The following NRXN1 variants were observed in gnomAD, a reference collection of about 807,000 sequenced individuals.
NRXN1 encodes neurexin-1.
Under a neutral mutation model 150.9 loss-of-function variants are expected in NRXN1, and 39 were observed. The ratio of observed to expected loss-of-function variants is 0.26; its 90% CI spans 0.20 to 0.34. NRXN1 has a LOEUF of 0.34. Ranked by LOEUF, NRXN1 falls within the 10% of genes least tolerant of loss-of-function variation. The pLI, the probability that NRXN1 is intolerant of heterozygous loss-of-function variation, is 1.00. For missense variants in NRXN1, 1,815 were observed against 1,949.9 expected (o/e 0.93, Z 1.30); for synonymous variants, 924 against 757.0 (o/e 1.22, Z -3.62).
intron 8 of NRXN1, among the ~76,000 whole-genome samples, chr2:50,618,292 T>A (rs562453892): frequency 6.6e-6 from 1 of 152,304 alleles, no homozygotes; most frequent in African/African-American, 2.4e-5. Context: ...CATCCCTGCC[T>A]GTCTAAATTA....
intron 17 of NRXN1, among the ~76,000 whole-genome samples, chr2:50,461,515 G>T (rs2088209587): frequency 6.6e-6 from 1 of 151,948 alleles, no homozygotes; most frequent in Non-Finnish European, 1.5e-5. Flanking sequence ...ATTCTATTCC[G>T]GACCACTGGG....
chr2:50,837,995 G>A (rs1378305927), intron 5 of NRXN1, among the ~76,000 whole-genome samples: 1 of 152,050 alleles, frequency 6.6e-6, no homozygotes, highest in Non-Finnish European at 1.5e-5. Context: ...GGCCTCATAA[G>A]ACTGTTGCCT....
At chr2:50,873,996 T>C (rs1678190014) in intron 5 of NRXN1, among the ~76,000 whole-genome samples, 1 of 151,940 alleles carries the variant, frequency 6.6e-6, no homozygotes, top group Admixed American at 6.6e-5. Context: ...TTTATAATAA[T>C]GCTGCCCAAG....
At chr2:50,191,080 G>A (rs566282454) in intron 18 of NRXN1, among the ~76,000 whole-genome samples, 30 of 152,054 alleles carry the variant, frequency 2.0e-4, no homozygotes, top group Middle Eastern at 3.2e-3. Flanking sequence ...CCAGGCTGGA[G>A]TGCACTGGCG....
chr2:50,881,708 T>G (rs1220369814), intron 5 of NRXN1, among the ~76,000 whole-genome samples: 4 of 151,870 alleles, frequency 2.6e-5, no homozygotes, highest in African/African-American at 9.7e-5. Flanking sequence ...TCTATGTGCT[T>G]ATCAATAGAT....
At chr2:50,359,400 A>G (rs1329605554) in intron 17 of NRXN1, among the ~76,000 whole-genome samples, 5 of 151,944 alleles carry the variant, frequency 3.3e-5, no homozygotes, top group African/African-American at 1.2e-4. Flanking sequence ...TAACCAGTTT[A>G]GAGAAGAACA....
At chr2:50,568,909 C>T (rs142194112) in intron 8 of NRXN1, among the ~76,000 whole-genome samples, 6 of 151,794 alleles carry the variant, frequency 4.0e-5, no homozygotes, top group African/African-American at 1.5e-4. Context: ...CACCAACAGA[C>T]AAATCAATAA....
At position 50,014,105 on chromosome 2, in the gene NRXN1, TG is replaced by T. The variant is rs141771097; in HGVS notation, c.4128+39165del. Among the ~76,000 whole-genome samples, 78 of 151,240 alleles carry T rather than the reference TG, an allele frequency of 5.2e-4. 2 individuals carry two copies. Among genetic ancestry groups the T allele is most frequent in the Admixed American group, 1.2e-3 (18 of 15,140 alleles). Reference sequence around the variant, plus strand: ...TAGACTAAAGAGCTTGTTTTTTTTTTGTTTTTGTTTTTGTTTTTAGAAATGA... The same window carrying T: ...TAGACTAAAGAGCTTGTTTTTTTTTTTTTTTGTTTTTGTTTTTAGAAATGA... On this transcript the variant is annotated intron_variant, in intron 21 of 22. Coordinates refer to ENST00000401669, the MANE Select transcript of NRXN1 (RefSeq NM_001330078.2).
chr2:50,476,769 T>A (rs2090024704), intron 15 of NRXN1, among the ~76,000 whole-genome samples: 1 of 152,180 alleles, frequency 6.6e-6, no homozygotes, highest in South Asian at 2.1e-4. Flanking sequence ...CCTTACACTA[T>A]TCTAAAAGTA....
intron 17 of NRXN1, among the ~76,000 whole-genome samples, chr2:50,242,362 G>T (rs1350843514): frequency 6.6e-6 from 1 of 151,702 alleles, no homozygotes. Context: ...TTAGATCAGG[G>T]CAACATTTCT....
intron 21 of NRXN1, among the ~76,000 whole-genome samples, chr2:50,042,282 C>T (rs57219224): frequency 0.017 from 2,591 of 152,252 alleles, 78 homozygotes; most frequent in African/African-American, 0.059. Context: ...CCATGTGCCA[C>T]GGGAGGGACC....
chr2:50,178,679 G>C (rs758037558), intron 18 of NRXN1, among the ~76,000 whole-genome samples: 23 of 152,078 alleles, frequency 1.5e-4, no homozygotes, highest in Non-Finnish European at 2.8e-4. Context: ...AGGTAAACAA[G>C]CTATGAGTAG....
intron 5 of NRXN1, among the ~76,000 whole-genome samples, chr2:50,910,682 T>C (rs1684390947): frequency 6.6e-6 from 1 of 151,862 alleles, no homozygotes; most frequent in African/African-American, 2.4e-5. Flanking sequence ...GCTAAAGAAC[T>C]TTATAATAGA....
intron 5 of NRXN1, among the ~76,000 whole-genome samples, chr2:50,687,996 T>C (rs1691502912): frequency 6.6e-6 from 1 of 152,212 alleles, no homozygotes; most frequent in Non-Finnish European, 1.5e-5. Context: ...AACGAAAATT[T>C]AGCACTAATA....
intron 14 of NRXN1, among the ~76,000 whole-genome samples, chr2:50,496,711 G>C (rs957401930): frequency 6.6e-6 from 1 of 152,168 alleles, no homozygotes; most frequent in Non-Finnish European, 1.5e-5. Flanking sequence ...AGAAATCTGA[G>C]ATGTGCATAC....
intron 5 of NRXN1, among the ~76,000 whole-genome samples, chr2:50,860,841 A>G (rs1470849018): frequency 2.6e-5 from 4 of 152,124 alleles, no homozygotes; most frequent in Non-Finnish European, 5.9e-5. Flanking sequence ...TTAAAACTGT[A>G]TATAAGTGAA....
Position 50,284,654 on chromosome 2 carries a change from C to T in NRXN1, c.3365-47684G>A, listed in dbSNP as rs1461580958. Among the ~76,000 whole-genome samples, 8 of 152,268 alleles carry T rather than the reference C, an allele frequency of 5.3e-5. No homozygotes were observed. In the South Asian group the frequency reaches 1.7e-3, roughly 32 times the overall value. On this transcript the variant is annotated intron_variant, in intron 17 of 22. Coordinates refer to ENST00000401669, the MANE Select transcript of NRXN1 (RefSeq NM_001330078.2). ...CCTTACTCACCAAACCAATTCTAGCCTCCTCCCACTCTTATCTACTTAATG... is the reference window on the plus strand; with the variant it reads ...CCTTACTCACCAAACCAATTCTAGCTTCCTCCCACTCTTATCTACTTAATG...
chr2:50,535,701 A>G (rs1047173302), intron 10 of NRXN1, among the ~76,000 whole-genome samples: 2 of 152,168 alleles, frequency 1.3e-5, no homozygotes, highest in Non-Finnish European at 2.9e-5. Flanking sequence ...TAGGATCAAT[A>G]CATGTAAAAC....
chr2:50,673,754 T>C (rs1689172166), intron 5 of NRXN1, among the ~76,000 whole-genome samples: 1 of 152,140 alleles, frequency 6.6e-6, no homozygotes, highest in African/African-American at 2.4e-5. Context: ...GATTAAACAC[T>C]TTTTATTTAT....
Sources: allele counts gnomAD v4.1 joint callset (sites outside exome capture counted in the v4.1 genomes callset), GRCh38; gene constraint gnomAD v4.1.1; transcripts MANE v1.5; gene names NCBI Gene and HGNC (gene_info 2026-07-23, HGNC 2026-07-21).